SYT1: variants seen among roughly 807,000 people sequenced by gnomAD.
SYT1 encodes the protein synaptotagmin-1.
Under a neutral mutation model 44.8 loss-of-function variants are expected in SYT1, and 8 were observed. The ratio of observed to expected loss-of-function variants is 0.18; its 90% CI spans 0.10 to 0.32. SYT1 has a LOEUF of 0.32. Ranked by LOEUF, SYT1 falls within the 10% of genes least tolerant of loss-of-function variation. The pLI is 1.00. For synonymous variants in SYT1, 154 were observed against 188.8 expected, an observed-to-expected ratio of 0.82 and a Z score of 1.51; for missense variants, 286 against 509.3, an observed-to-expected ratio of 0.56 and a Z score of 4.22.
intron 2 of SYT1, among the ~76,000 whole-genome samples, chr12:79,001,530 T>A (rs778326131): frequency 2.6e-5 from 4 of 152,150 alleles, no homozygotes; most frequent in Non-Finnish European, 5.9e-5. Context: ...CTCTCTACGA[T>A]CCATTCTAAT....
chr12:79,237,644 C>A (rs762532540), intron 4 of SYT1, among the ~76,000 whole-genome samples: 1 of 151,856 alleles, frequency 6.6e-6, no homozygotes, highest in African/African-American at 2.4e-5. Flanking sequence ...AGAAGCTGCC[C>A]GTTGAAAATT....
intron 3 of SYT1, among the ~76,000 whole-genome samples, chr12:79,099,239 T>C (rs1283038361): frequency 6.6e-6 from 1 of 152,104 alleles, no homozygotes; most frequent in Non-Finnish European, 1.5e-5. Flanking sequence ...TCCCTACAAT[T>C]AATTACTCCC....
chr12:79,374,651 G>C (rs1883921998), intron 9 of SYT1, among the ~76,000 whole-genome samples: 1 of 152,238 alleles, frequency 6.6e-6, no homozygotes, highest in African/African-American at 2.4e-5. Context: ...CCTATAAAGG[G>C]AAACACTGGA....
intron 3 of SYT1, among the ~76,000 whole-genome samples, chr12:79,179,524 TAG>T (rs1872357794): frequency 5.0e-5 from 1 of 19,988 alleles, no homozygotes; most frequent in African/African-American, 1.9e-4. Flanking sequence ...TATATCTATA[TAG>T]ATATAGATAT....
chr12:79,032,853 A>T (rs1052193254), intron 2 of SYT1, among the ~76,000 whole-genome samples: 4 of 151,326 alleles, frequency 2.6e-5, no homozygotes, highest in African/African-American at 9.7e-5. Flanking sequence ...ATTCTATGGC[A>T]AATACCACAA....
chr12:79,109,062 A>T (rs1335646152), intron 3 of SYT1, among the ~76,000 whole-genome samples: 2 of 152,186 alleles, frequency 1.3e-5, no homozygotes, highest in African/African-American at 2.4e-5. Context: ...GGGACTCTCC[A>T]CAAGGCCAGG....
At chr12:79,400,671 A>C (rs1341188995) in intron 9 of SYT1, among the ~76,000 whole-genome samples, 2 of 152,240 alleles carry the variant, frequency 1.3e-5, no homozygotes. Flanking sequence ...CATCCGGCAG[A>C]ACATAACAAA....
chr12:79,326,046 G>A (rs73352962), intron 8 of SYT1, among the ~76,000 whole-genome samples: 9,289 of 152,062 alleles, frequency 0.061, 470 homozygotes, highest in African/African-American at 0.14. Flanking sequence ...AGCATGTGCC[G>A]TAAAATAGTT....
intron 3 of SYT1, among the ~76,000 whole-genome samples, chr12:79,172,969 C>CAA (rs200575966): frequency 0.057 from 902 of 15,716 alleles, 352 homozygotes; most frequent in East Asian, 0.064. Flanking sequence ...TTCCTGCTCT[C>CAA]AAAAAAAAAA....
chr12:79,058,659 C>A (rs1209717000), intron 3 of SYT1, among the ~76,000 whole-genome samples: 1 of 152,016 alleles, frequency 6.6e-6, no homozygotes, highest in Non-Finnish European at 1.5e-5. Context: ...CACTTCCCGA[C>A]CCCCACACCA....
intron 9 of SYT1, among the ~76,000 whole-genome samples, chr12:79,379,100 C>A (rs1884115932): frequency 6.6e-6 from 1 of 152,062 alleles, no homozygotes; most frequent in East Asian, 1.9e-4. Context: ...TTTTAGTGTT[C>A]CTATCATGTT....
At chr12:79,283,837 C>T (rs919675226) in intron 4 of SYT1, among the ~76,000 whole-genome samples, 3 of 151,088 alleles carry the variant, frequency 2.0e-5, no homozygotes, top group Non-Finnish European at 4.4e-5. Flanking sequence ...GTAGAAAACA[C>T]AATTTCAAAA....
intron 10 of SYT1, among the ~76,000 whole-genome samples, chr12:79,446,017 ATATATATATATATATATT>A (rs1237697225): frequency 2.4e-5 from 3 of 127,286 alleles, no homozygotes; most frequent in East Asian, 4.3e-4. Context: ...ATATATATAT[ATATATATATATATATATT>A]ATGCCTAGGT....
chr12:79,326,683 G>A (rs57494523), intron 8 of SYT1, among the ~76,000 whole-genome samples: 6,443 of 152,184 alleles, frequency 0.042, 176 homozygotes, highest in African/African-American at 0.076. Context: ...CTCTGCCTGC[G>A]AGAGGCAGCT....
At chr12:79,245,531 C>T (rs138106533) in intron 4 of SYT1, among the ~76,000 whole-genome samples, 1,621 of 147,762 alleles carry the variant, frequency 0.011, 30 homozygotes, top group African/African-American at 0.037. Context: ...TGTATGTATT[C>T]GTGCAGAACT....
intron 3 of SYT1, among the ~76,000 whole-genome samples, chr12:79,060,308 T>C (rs577431238): frequency 6.6e-6 from 1 of 152,062 alleles, no homozygotes; most frequent in African/African-American, 2.4e-5. Context: ...TTTTTTTAAT[T>C]GTGGTAAAAT....
chr12:78,947,909 T>C (rs1229155999), intron 1 of SYT1, among the ~76,000 whole-genome samples: 1 of 151,936 alleles, frequency 6.6e-6, no homozygotes, highest in African/African-American at 2.4e-5. Flanking sequence ...AATAAATATT[T>C]TATTTTAATC....
At chr12:78,913,794 A>G (rs142281308) in intron 1 of SYT1, among the ~76,000 whole-genome samples, 270 of 152,046 alleles carry the variant, frequency 1.8e-3, no homozygotes, top group African/African-American at 6.3e-3. Flanking sequence ...AGTGATATAG[A>G]TGGTGAACAA....
chr12:78,982,796 A>G (rs1315878574), intron 2 of SYT1, among the ~76,000 whole-genome samples: 1 of 152,160 alleles, frequency 6.6e-6, no homozygotes, highest in African/African-American at 2.4e-5. Flanking sequence ...TATTTCCTAC[A>G]GTTGAGTTTC....
Sources: allele counts gnomAD v4.1 joint callset (sites outside exome capture counted in the v4.1 genomes callset), GRCh38; gene constraint gnomAD v4.1.1; transcripts MANE v1.5; gene names NCBI Gene and HGNC (gene_info 2026-07-23, HGNC 2026-07-21).